RTL4: variants seen among roughly 807,000 people sequenced by gnomAD.
RTL4 encodes the protein retrotransposon Gag like 4.
In RTL4, 4 loss-of-function variants were observed where a neutral mutation model predicts 5.3. That is an observed-to-expected ratio of 0.75 (90% confidence interval 0.37 to 1.72). The LOEUF (loss-of-function observed/expected upper bound fraction) is 1.72, where lower values mean the gene tolerates loss of function less well. Ranked by LOEUF, RTL4 falls within the 40% of genes most tolerant of loss-of-function variation. The pLI is 0.04. For missense variants in RTL4, 260 were observed against 227.1 expected (o/e 1.14, Z -0.93); for synonymous variants, 98 against 87.3 (o/e 1.12, Z -0.68).
the RTL4 span, among the ~76,000 whole-genome samples, chrX:112,214,520 A>G: frequency 2.7e-5 from 3 of 112,263 alleles, no homozygotes; most frequent in South Asian, 1.1e-3. Context: ...ATTCTTTTGG[A>G]CATATAGACA....
At chrX:112,268,299 C>T in the RTL4 span, among the ~76,000 whole-genome samples, 1 of 112,409 alleles carries the variant, frequency 8.9e-6, no homozygotes, top group East Asian at 2.8e-4. Context: ...GATCTTCCCC[C>T]ACGTGTCCAC....
At chrX:112,308,132 G>A in the RTL4 span, among the ~76,000 whole-genome samples, 1 of 111,360 alleles carries the variant, frequency 9.0e-6, no homozygotes, top group Non-Finnish European at 1.9e-5. Flanking sequence ...GCCACTTTCT[G>A]GGGGTTTTAG....
chrX:112,198,453 T>A, the RTL4 span, among the ~76,000 whole-genome samples: 1 of 111,712 alleles, frequency 9.0e-6, no homozygotes, highest in East Asian at 2.8e-4. Context: ...GAACTAGCAT[T>A]CTGGTCCTGA....
the RTL4 span, among the ~76,000 whole-genome samples, chrX:112,099,205 C>A: frequency 5.4e-5 from 6 of 111,605 alleles, no homozygotes; most frequent in Admixed American, 5.7e-4. Context: ...ACAAACAACC[C>A]CATCAAAAAG....
At chrX:112,157,770 G>T in the RTL4 span, among the ~76,000 whole-genome samples, 1 of 112,127 alleles carries the variant, frequency 8.9e-6, no homozygotes, top group Admixed American at 9.5e-5. Context: ...CTGAGCTGCT[G>T]TCCCTGTTCA....
At chrX:112,175,574 G>A in the RTL4 span, among the ~76,000 whole-genome samples, 1 of 108,954 alleles carries the variant, frequency 9.2e-6, no homozygotes, top group African/African-American at 3.3e-5. Context: ...CTCTTTTTTG[G>A]TTCCATATGA....
At chrX:112,168,985 TCTTTCTTTC>T in the RTL4 span, among the ~76,000 whole-genome samples, 61 of 107,662 alleles carry the variant, frequency 5.7e-4, no homozygotes, top group African/African-American at 1.7e-3. Context: ...TTCTTTCCTT[TCTTTCTTTC>T]CTTTCTTTCC....
chrX:112,224,115 A>G, the RTL4 span, among the ~76,000 whole-genome samples: 2 of 110,900 alleles, frequency 1.8e-5, no homozygotes, highest in African/African-American at 6.6e-5. Flanking sequence ...TTATTGTCAC[A>G]GTTGGAAGAG....
chrX:112,218,980 G>A, the RTL4 span, among the ~76,000 whole-genome samples: 1 of 111,916 alleles, frequency 8.9e-6, no homozygotes, highest in African/African-American at 3.2e-5. Flanking sequence ...TGATAGAGTT[G>A]TTTTGATTTT....
chrX:112,436,395 TA>T, the RTL4 span, among the ~76,000 whole-genome samples: 8 of 107,305 alleles, frequency 7.5e-5, no homozygotes, highest in Non-Finnish European at 7.8e-5. Flanking sequence ...CTTCTTACAA[TA>T]AAAAAAAAAT....
the RTL4 span, among the ~76,000 whole-genome samples, chrX:112,225,358 G>A: frequency 8.9e-6 from 1 of 111,960 alleles, no homozygotes; most frequent in Non-Finnish European, 1.9e-5. Context: ...TGCCTAAATG[G>A]TAAGCTCTCT....
At chrX:112,374,174 A>G in the RTL4 span, among the ~76,000 whole-genome samples, 2 of 111,465 alleles carry the variant, frequency 1.8e-5, no homozygotes, top group South Asian at 3.8e-4. Flanking sequence ...AGATCAAAAT[A>G]TATCTAGAAG....
the RTL4 span, chrX:112,382,088 G>T: frequency 1.1e-5 from 13 of 1,208,142 alleles, no homozygotes; most frequent in African/African-American, 2.3e-4. Context: ...GCTGCAGCAG[G>T]AACAGTGGTA....
At chrX:112,195,459 C>T in the RTL4 span, among the ~76,000 whole-genome samples, 1 of 111,713 alleles carries the variant, frequency 9.0e-6, no homozygotes, top group East Asian at 2.8e-4. Flanking sequence ...CCATCATTCC[C>T]CAATTAAGTT....
chrX:112,401,799 T>C, the RTL4 span, among the ~76,000 whole-genome samples: 1 of 112,266 alleles, frequency 8.9e-6, no homozygotes, highest in African/African-American at 3.2e-5. Flanking sequence ...TACTGCCAGA[T>C]ATTCTTCCTT....
At chrX:112,308,218 G>A in the RTL4 span, among the ~76,000 whole-genome samples, 10 of 111,236 alleles carry the variant, frequency 9.0e-5, no homozygotes, top group South Asian at 3.8e-3. Context: ...CTACCTAGCT[G>A]GAGGAAGATA....
the RTL4 span, among the ~76,000 whole-genome samples, chrX:112,186,359 A>G: frequency 8.9e-6 from 1 of 112,121 alleles, no homozygotes; most frequent in East Asian, 2.8e-4. Context: ...CTCAGTAAAT[A>G]TTAGTTCTTA....
At chrX:112,327,032 T>C in the RTL4 span, among the ~76,000 whole-genome samples, 1 of 111,223 alleles carries the variant, frequency 9.0e-6, no homozygotes, top group Non-Finnish European at 1.9e-5. Context: ...AGACCAAAAG[T>C]AGATAAAACC....
the RTL4 span, among the ~76,000 whole-genome samples, chrX:112,152,603 A>G: frequency 2.7e-5 from 3 of 111,670 alleles, no homozygotes; most frequent in East Asian, 8.5e-4. Context: ...GAAGGAAACT[A>G]TTGTTCTCTA....
Sources: gnomAD v4.1 joint callset for allele counts (sites outside exome capture counted in the v4.1 genomes callset) on GRCh38, gnomAD v4.1.1 for gene constraint, MANE v1.5 for transcripts, NCBI Gene and HGNC (gene_info 2026-07-23, HGNC 2026-07-21) for gene names.